Variants in THSD7A observed in about 807,000 individuals in gnomAD.
THSD7A encodes thrombospondin type 1 domain containing 7A, also known as thrombospondin type-1 domain-containing protein 7A.
Under a neutral mutation model 231.3 loss-of-function variants are expected in THSD7A, and 96 were observed. The ratio of observed to expected loss-of-function variants is 0.41; its 90% confidence interval spans 0.35 to 0.49. THSD7A has a LOEUF of 0.49. Ranked by LOEUF, THSD7A falls within the 20% of genes least tolerant of loss-of-function variation. The probability of loss-of-function intolerance (pLI) is 0.05; values close to 1 mark genes in which losing one functional copy is unlikely to be tolerated. For synonymous variants in THSD7A, 940 were observed against 743.3 expected, an observed-to-expected ratio of 1.26 and a Z score of -4.30; for missense variants, 2,290 against 2,070.2, an observed-to-expected ratio of 1.11 and a Z score of -2.06.
rs146944628 is a variant in THSD7A at position 11,644,477 on chromosome 7, A to G, written c.191-7516T>C. 7.4e-3 allele frequency among the ~76,000 whole-genome samples: 1,123 copies of G among 152,086 alleles called. 11 individuals carry two copies. Among genetic ancestry groups the G allele is most frequent in the African/African-American group, 0.025 (1,058 of 41,534 alleles). ...AAGAGGAGAGTTGGTAGCTTCTTTG[A>G]CTTGAGTTTTAATTTAATTTTAATT... On this transcript the variant is annotated intron_variant, in intron 1 of 27. Transcript: ENST00000423059.
chr7:11,629,258 T>C (rs1255061896), intron 2 of THSD7A, among the ~76,000 whole-genome samples: 1 of 152,118 alleles, frequency 6.6e-6, no homozygotes, highest in Non-Finnish European at 1.5e-5. Flanking sequence ...AGTGGACCTC[T>C]AAGGTCAAAC....
chr7:11,386,549 T>C (rs1782751689), intron 23 of THSD7A, among the ~76,000 whole-genome samples: 1 of 152,222 alleles, frequency 6.6e-6, no homozygotes, highest in African/African-American at 2.4e-5. Flanking sequence ...TTGCTCACTT[T>C]TTGATGGCAT....
intron 1 of THSD7A, among the ~76,000 whole-genome samples, chr7:11,774,238 G>A (rs999520798): frequency 4.6e-5 from 7 of 152,052 alleles, no homozygotes; most frequent in Middle Eastern, 3.2e-3. Context: ...TCCAGTTTCC[G>A]AAAGACAAAA....
intron 1 of THSD7A, among the ~76,000 whole-genome samples, chr7:11,744,043 G>A (rs1782195391): frequency 6.6e-6 from 1 of 151,820 alleles, no homozygotes; most frequent in African/African-American, 2.4e-5. Context: ...TAGCAATTTC[G>A]TGGTTCTTAT....
chr7:11,536,725 T>C (rs530794520), intron 6 of THSD7A, among the ~76,000 whole-genome samples: 2 of 152,144 alleles, frequency 1.3e-5, no homozygotes, highest in Admixed American at 6.6e-5. Flanking sequence ...ATAAGCTCGA[T>C]GCATCTTCAT....
At chr7:11,680,145 C>T (rs560129113) in intron 1 of THSD7A, among the ~76,000 whole-genome samples, 3 of 151,742 alleles carry the variant, frequency 2.0e-5, no homozygotes, top group Admixed American at 6.5e-5. Context: ...ACTGGCTAGC[C>T]ATATGCAGAA....
intron 1 of THSD7A, among the ~76,000 whole-genome samples, chr7:11,658,975 C>T (rs115378014): frequency 6.6e-6 from 1 of 151,622 alleles, no homozygotes; most frequent in Non-Finnish European, 1.5e-5. Flanking sequence ...GGGTATATTT[C>T]TTTGACTCAA....
intron 1 of THSD7A, among the ~76,000 whole-genome samples, chr7:11,829,341 C>G (rs1785123046): frequency 6.6e-6 from 1 of 151,882 alleles, no homozygotes; most frequent in Non-Finnish European, 1.5e-5. Flanking sequence ...ATATATGAAG[C>G]CCTTTAGGGG....
chr7:11,505,930 A>G (rs1787526278), intron 6 of THSD7A, among the ~76,000 whole-genome samples: 1 of 152,206 alleles, frequency 6.6e-6, no homozygotes, highest in South Asian at 2.1e-4. Context: ...TGGGGAATCT[A>G]AGAGTGCTTT....
intron 1 of THSD7A, among the ~76,000 whole-genome samples, chr7:11,790,531 T>G (rs1783920898): frequency 6.6e-6 from 1 of 151,990 alleles, no homozygotes; most frequent in Non-Finnish European, 1.5e-5. Context: ...GAGATAAAAG[T>G]GCATTTTTGC....
rs1782056196 is a variant in THSD7A, at chr7:11,371,653, G to A, written c.*4141C>T. The stretch of plus-strand genomic sequence containing the variant: ...CAGTCCTCCCTCACTGTCTTGTGGT[G>A]TGGAATGTGAACAAAGACTCGAGAT... On this transcript the variant is annotated 3_prime_UTR_variant, in exon 28 of 28. Coordinates refer to ENST00000423059, the MANE Select transcript of THSD7A (RefSeq NM_015204.3). 1 of 151,918 alleles carries A rather than the reference G, an allele frequency of 6.6e-6. No homozygotes were observed. The highest frequency in any genetic ancestry group is 1.5e-5 in the Non-Finnish European group (1 of 68,034). 9.4% of individuals were successfully genotyped at this position (151,918 alleles called of 1,614,324 possible). A position where few individuals can be genotyped will look rare whatever the true frequency, so the allele number is the denominator to read the frequency against.
In THSD7A at chr7:11,612,670, A is replaced by G. The variant is rs191955315; in HGVS notation, c.1023-19168T>C. On this transcript the variant is annotated intron_variant, in intron 2 of 27. Transcript: ENST00000423059. ...TATAGTATATTTTAACAGTATTACC[A>G]GATCATCTTCCAACATGACAATCGT... 1.9e-4 allele frequency among the ~76,000 whole-genome samples: 29 copies of G among 152,334 alleles called. No individual in the cohort carries two copies. The East Asian group carries it at 5.2e-3, about 27-fold the overall frequency.
chr7:11,525,377 G>A (rs1181407549), intron 6 of THSD7A, among the ~76,000 whole-genome samples: 1 of 152,058 alleles, frequency 6.6e-6, no homozygotes, highest in East Asian at 1.9e-4. Context: ...ATGAAGATCA[G>A]TTTTTTAAAT....
At chr7:11,810,329 A>T (rs1430188072) in intron 1 of THSD7A, among the ~76,000 whole-genome samples, 3 of 152,192 alleles carry the variant, frequency 2.0e-5, no homozygotes, top group Non-Finnish European at 4.4e-5. Context: ...TTTGGAGGCC[A>T]GTACAAATGT....
chr7:11,735,594 C>T (rs1311519048), intron 1 of THSD7A, among the ~76,000 whole-genome samples: 2 of 151,792 alleles, frequency 1.3e-5, no homozygotes, highest in East Asian at 3.9e-4. Flanking sequence ...ATCTGAAATT[C>T]AAAACATTTC....
intron 1 of THSD7A, among the ~76,000 whole-genome samples, chr7:11,787,481 T>C (rs1156682592): frequency 6.6e-6 from 1 of 151,996 alleles, no homozygotes; most frequent in Non-Finnish European, 1.5e-5. Flanking sequence ...AAGCCACGCA[T>C]TGGGAGAAAA....
At chr7:11,779,431 T>A (rs1783551264) in intron 1 of THSD7A, among the ~76,000 whole-genome samples, 1 of 152,210 alleles carries the variant, frequency 6.6e-6, no homozygotes, top group Non-Finnish European at 1.5e-5. Flanking sequence ...TCTGGATATT[T>A]TTATCCAAAT....
At chr7:11,390,370 A>G (rs1329157290) in intron 23 of THSD7A, among the ~76,000 whole-genome samples, 1 of 151,918 alleles carries the variant, frequency 6.6e-6, no homozygotes, top group East Asian at 1.9e-4. Context: ...AATCTCTGAT[A>G]TTGTTTCTTC....
chr7:11,675,062 G>A (rs1783581184), intron 1 of THSD7A, among the ~76,000 whole-genome samples: 1 of 152,008 alleles, frequency 6.6e-6, no homozygotes. Context: ...TTCCAACTAA[G>A]GCACTCAATT....
Sources: gnomAD v4.1 joint callset for allele counts (sites outside exome capture counted in the v4.1 genomes callset) on GRCh38, gnomAD v4.1.1 for gene constraint, MANE v1.5 for transcripts, NCBI Gene and HGNC (gene_info 2026-07-23, HGNC 2026-07-21) for gene names.